The following SHISA6 variants were observed in gnomAD, a reference collection of about 807,000 sequenced individuals.
SHISA6 encodes the protein shisa family member 6.
Under a neutral mutation model 47.9 loss-of-function variants are expected in SHISA6, and 22 were observed. The observed-to-expected ratio is 0.46, with a 90% CI of 0.33 to 0.66. SHISA6 has a LOEUF of 0.66. Among genes scored for constraint, SHISA6 ranks in the 30% least tolerant of loss-of-function variants. The probability of loss-of-function intolerance (pLI) is 0.02; values close to 1 mark genes in which losing one functional copy is unlikely to be tolerated. For synonymous variants in SHISA6, 388 were observed against 337.8 expected (o/e 1.15, Z -1.63); for missense variants, 680 against 764.6 (o/e 0.89, Z 1.30).
At chr17:11,408,601 G>A (rs1371201345) in intron 3 of SHISA6, among the ~76,000 whole-genome samples, 1 of 152,210 alleles carries the variant, frequency 6.6e-6, no homozygotes, top group Non-Finnish European at 1.5e-5. Flanking sequence ...ATGTAGTTCT[G>A]TAGCGGGCAT....
intron 3 of SHISA6, among the ~76,000 whole-genome samples, chr17:11,500,892 A>G (rs1462893625): frequency 1.3e-5 from 2 of 152,146 alleles, no homozygotes; most frequent in African/African-American, 4.8e-5. Context: ...TTCCCAAAGC[A>G]TAGTGTGCCA....
chr17:11,306,735 A>G (rs1367679672), intron 2 of SHISA6, among the ~76,000 whole-genome samples: 1 of 152,222 alleles, frequency 6.6e-6, no homozygotes, highest in African/African-American at 2.4e-5. Context: ...AGATGACTTA[A>G]TAGGCTTCTG....
In SHISA6 at chr17:11,472,363, A is replaced by T. The variant is rs141721621; in HGVS notation, c.896-79533A>T. ...AGGCTCATGCCACCACACCTGGCTA[A>T]TTTTCTTTAGTTTTTTGTAGAGACA... On this transcript the variant is annotated intron_variant, in intron 3 of 5. Coordinates refer to ENST00000441885, the MANE Select transcript of SHISA6 (RefSeq NM_207386.4). 1.5e-4 allele frequency among the ~76,000 whole-genome samples: 23 copies of T among 152,048 alleles called. No homozygotes were observed. In the East Asian group the frequency reaches 4.3e-3, roughly 28 times the overall value.
chr17:11,348,934 T>G (rs1911784388), intron 2 of SHISA6, among the ~76,000 whole-genome samples: 1 of 152,184 alleles, frequency 6.6e-6, no homozygotes, highest in South Asian at 2.1e-4. Flanking sequence ...TGGCCATTCT[T>G]TTGCTTCTCC....
At chr17:11,425,889 T>C (rs1914598206) in intron 3 of SHISA6, among the ~76,000 whole-genome samples, 1 of 152,128 alleles carries the variant, frequency 6.6e-6, no homozygotes. Context: ...CAACACCCAT[T>C]GTATCTCCTT....
Position 11,297,322 on chromosome 17 carries a change from G to A in SHISA6, c.799+33796G>A, listed in dbSNP as rs562381144. ...TGTAAGGGAGACCTCGAGTAGCAGT[G>A]GTTAAATAAGAAAGGTTATTTCCTC... is the stretch of plus-strand genomic sequence containing the variant. On this transcript the variant is annotated intron_variant, in intron 2 of 5. Coordinates refer to ENST00000441885, the MANE Select transcript of SHISA6 (RefSeq NM_207386.4). Among the ~76,000 whole-genome samples the A allele has an allele frequency of 2.0e-5, 3 of 152,168 alleles. No homozygotes were observed. In the South Asian group the frequency reaches 6.2e-4, roughly 32 times the overall value.
Position 11,248,113 on chromosome 17 carries a change from G to A in SHISA6, c.638+6053G>A, listed in dbSNP as rs867618873. Among the ~76,000 whole-genome samples, 135 of 152,116 alleles carry A rather than the reference G, an allele frequency of 8.9e-4. 1 individual carries two copies. The highest frequency in any genetic ancestry group is 3.0e-3 in the African/African-American group (124 of 41,422). On this transcript the variant is annotated intron_variant, in intron 1 of 5. Transcript: ENST00000441885. Reference sequence around the variant, plus strand: ...TTGCAGATATTGTAGAGAGATAAGAGGCCTGGGTACAAGGGTTACCAGTGA... The same window carrying A: ...TTGCAGATATTGTAGAGAGATAAGAAGCCTGGGTACAAGGGTTACCAGTGA...
At chr17:11,509,734 A>G (rs1262411263) in intron 3 of SHISA6, among the ~76,000 whole-genome samples, 3 of 152,188 alleles carry the variant, frequency 2.0e-5, no homozygotes, top group South Asian at 2.1e-4. Context: ...AAATGGAGTG[A>G]GTTGGGCGGC....
intron 2 of SHISA6, among the ~76,000 whole-genome samples, chr17:11,352,871 C>T (rs1456591624): frequency 1.3e-5 from 2 of 152,186 alleles, no homozygotes; most frequent in Non-Finnish European, 2.9e-5. Context: ...CCAATACTAA[C>T]TATTTGGGGG....
intron 2 of SHISA6, among the ~76,000 whole-genome samples, chr17:11,310,539 A>T (rs1910285675): frequency 6.6e-6 from 1 of 152,106 alleles, no homozygotes; most frequent in Non-Finnish European, 1.5e-5. Flanking sequence ...GCATGAGGAG[A>T]CAGAAGAAAT....
intron 3 of SHISA6, among the ~76,000 whole-genome samples, chr17:11,409,645 A>C (rs1914061247): frequency 6.7e-6 from 1 of 149,394 alleles, no homozygotes; most frequent in African/African-American, 2.5e-5. Flanking sequence ...TGGAGGTTGC[A>C]GTGAGCCGAG....
chr17:11,522,394 G>A (rs1239775132), intron 3 of SHISA6, among the ~76,000 whole-genome samples: 1 of 152,184 alleles, frequency 6.6e-6, no homozygotes, highest in Non-Finnish European at 1.5e-5. Context: ...CTCCTGAGTA[G>A]CTGGGACTAC....
intron 3 of SHISA6, among the ~76,000 whole-genome samples, chr17:11,392,268 T>C (rs1913410833): frequency 6.6e-6 from 1 of 152,156 alleles, no homozygotes; most frequent in African/African-American, 2.4e-5. Context: ...TGAATCCATT[T>C]AACCAAAATA....
intron 2 of SHISA6, among the ~76,000 whole-genome samples, chr17:11,357,070 C>A (rs939308198): frequency 6.6e-6 from 1 of 151,766 alleles, no homozygotes; most frequent in Non-Finnish European, 1.5e-5. Context: ...CACCTGTAAT[C>A]CCAGCTACTA....
chr17:11,444,578 A>G (rs1354540388), intron 3 of SHISA6, among the ~76,000 whole-genome samples: 4 of 152,144 alleles, frequency 2.6e-5, no homozygotes, highest in African/African-American at 9.7e-5. Context: ...TTGGACAAAA[A>G]CAAAATACAA....
In SHISA6 at chr17:11,414,427, C is replaced by T. The variant is rs572708691; in HGVS notation, c.895+34918C>T. Among the ~76,000 whole-genome samples the T allele has an allele frequency of 7.2e-5, 11 of 152,270 alleles. No individual in the cohort carries two copies. In the South Asian group the frequency reaches 2.3e-3, roughly 32 times the overall value. On this transcript the variant is annotated intron_variant, in intron 3 of 5. Transcript: ENST00000441885. Reference sequence around the variant, plus strand: ...CAGCCCTCAGAATGCCACTGGGTTCCTGTTGAGGCATTAAAGGGGCTTAAA... The same window carrying T: ...CAGCCCTCAGAATGCCACTGGGTTCTTGTTGAGGCATTAAAGGGGCTTAAA...
At chr17:11,255,742 C>T (rs779757199) in intron 1 of SHISA6, among the ~76,000 whole-genome samples, 31 of 152,178 alleles carry the variant, frequency 2.0e-4, no homozygotes, top group Non-Finnish European at 4.3e-4. Context: ...GTGGCTCCCC[C>T]ACCACACCAA....
chr17:11,299,834 T>A (rs2142176198), intron 2 of SHISA6, among the ~76,000 whole-genome samples: 1 of 152,118 alleles, frequency 6.6e-6, no homozygotes, highest in East Asian at 1.9e-4. Context: ...ACTTGCAAGG[T>A]TCCTTTTGCC....
In SHISA6 at chr17:11,414,756, A is replaced by G. The variant is rs146357181; in HGVS notation, c.895+35247A>G. On this transcript the variant is annotated intron_variant, in intron 3 of 5. Coordinates refer to ENST00000441885, the MANE Select transcript of SHISA6 (RefSeq NM_207386.4). The stretch of plus-strand genomic sequence containing the variant: ...TGGCCACATTGGTATTTCAGTGACT[A>G]TATATATGCTGAGGCTAAAGAAGGT... Among the ~76,000 whole-genome samples, 857 of 152,322 alleles carry G rather than the reference A, an allele frequency of 5.6e-3. 6 individuals are homozygous for G. The highest frequency in any genetic ancestry group is 0.014 in the Middle Eastern group (4 of 294).
Sources: allele counts gnomAD v4.1 joint callset (sites outside exome capture counted in the v4.1 genomes callset), GRCh38; gene constraint gnomAD v4.1.1; transcripts MANE v1.5; gene names NCBI Gene and HGNC (gene_info 2026-07-23, HGNC 2026-07-21).